The following GYS2 variants were observed in gnomAD, a reference collection of about 807,000 sequenced individuals.
The protein encoded by GYS2 is glycogen [starch] synthase, liver.
A neutral mutation model predicts 85.6 loss-of-function variants in GYS2; 80 were observed. The ratio of observed to expected loss-of-function variants is 0.93; its 90% CI spans 0.78 to 1.13. GYS2 has a LOEUF of 1.13. Ranked by LOEUF, GYS2 falls within the 50% of genes most tolerant of loss-of-function variation. GYS2 has a pLI of 0.00. For missense variants in GYS2, 881 were observed against 854.9 expected, an observed-to-expected ratio of 1.03 and a Z score of -0.38; for synonymous variants, 328 against 300.7, an observed-to-expected ratio of 1.09 and a Z score of -0.94.
chr12:21,574,184 A>C lies in GYS2; in HGVS notation c.638T>G (p.Leu213Arg), dbSNP rs1365531387. The C allele has an allele frequency of 6.2e-7, 1 of 1,613,542 alleles. No individual in the cohort carries two copies. The highest frequency in any genetic ancestry group is 1.1e-5 in the South Asian group (1 of 91,072). The change falls in exon 4 of 16, where the codon CTC becomes CGC. Residue 213 changes from leucine (L) to arginine (R), a missense_variant. Leu to Arg is a moderately radical substitution (Grantham distance 102). Coordinates refer to ENST00000261195, the MANE Select transcript of GYS2 (RefSeq NM_021957.4). ...TTHATLLGRY[L>R]CAANIDFYNH... ...GTAGAAATCAATATTTGCTGCACAGAGATACCTCCCAAGTAGTGTAGCGTG... is the reference window on the plus strand; with the variant it reads ...GTAGAAATCAATATTTGCTGCACAGCGATACCTCCCAAGTAGTGTAGCGTG...
intron 12 of GYS2, 79 bp from the exon 13 acceptor site, chr12:21,542,670 C>A: frequency 2.4e-6 from 2 of 842,386 alleles, no homozygotes; most frequent in East Asian, 2.5e-5. Flanking sequence ...GGAAAAGGCC[C>A]TAGTCCTCCT....
intron 13 of GYS2, among the ~76,000 whole-genome samples, chr12:21,541,249 CAG>C (rs1252830908): frequency 9.6e-6 from 1 of 104,356 alleles, no homozygotes; most frequent in Non-Finnish European, 1.7e-5. Context: ...GCCTGGGCAA[CAG>C]AGTGAGACCA....
chr12:21,568,086 A>C (rs1904120), intron 5 of GYS2, among the ~76,000 whole-genome samples: 2 of 151,590 alleles, frequency 1.3e-5, no homozygotes, highest in Admixed American at 1.3e-4. Flanking sequence ...AAAAAAAAGA[A>C]AAAGGGGTCG....
At chr12:21,594,895 G>C (rs1183303744) in intron 1 of GYS2, among the ~76,000 whole-genome samples, 1 of 152,184 alleles carries the variant, frequency 6.6e-6, no homozygotes, top group Non-Finnish European at 1.5e-5. Context: ...CATTAGAACA[G>C]ACACTTAGAC....
rs751135925 is a variant in GYS2 at position 21,560,398 on chromosome 12, C to T, written c.1157G>A (p.Arg386Gln). 47 of 1,588,706 alleles carry T rather than the reference C, an allele frequency of 3.0e-5. No homozygotes were observed. Among genetic ancestry groups the T allele is most frequent in the East Asian group, 1.6e-4 (7 of 44,722 alleles). The change falls in exon 8 of 16, where the codon CGA becomes CAA. Residue 386 changes from arginine to glutamine, a missense_variant. Transcript: ENST00000261195. ...NVETLKGQAV[R>Q]KQLWDVAHSV... ...GTTGTGAGATTACCACAGCTGTTTT[C>T]GCACTGCTTGTCCTTTCAGGGTTTC... is the stretch of plus-strand genomic sequence containing the variant.
chr12:21,600,160 C>T (rs1395863165), intron 1 of GYS2, among the ~76,000 whole-genome samples: 1 of 152,130 alleles, frequency 6.6e-6, no homozygotes, highest in African/African-American at 2.4e-5. Flanking sequence ...CACTCTGTCA[C>T]CCCGGCTGGA....
At chr12:21,554,147 GGAAGGAA>G (rs1359179260) in intron 11 of GYS2, among the ~76,000 whole-genome samples, 9 of 151,582 alleles carry the variant, frequency 5.9e-5, no homozygotes, top group Admixed American at 5.9e-4. Context: ...AAGCGAGGAA[GGAAGGAA>G]GAAGGAAGGA....
intron 1 of GYS2, among the ~76,000 whole-genome samples, chr12:21,594,631 T>A (rs749373694): frequency 1.3e-5 from 2 of 152,152 alleles, no homozygotes; most frequent in Non-Finnish European, 2.9e-5. Flanking sequence ...CCTATGTTCA[T>A]GGATCAGAAA....
chr12:21,542,569 G>A lies in GYS2; in HGVS notation c.1572C>T (p.Ile524=), dbSNP rs1187054610. 6.2e-7 allele frequency: 1 copy of A among 1,612,538 alleles called. No individual in the cohort carries two copies. The highest frequency in any genetic ancestry group is 1.3e-5 in the African/African-American group (1 of 74,784). ...YTPAECTVMG[I]PSVTTNLSGF... ...CGGAGAGATTCGTGGTCACACTGGG[G>A]ATACCCATCACAGTGCATTCAGCTG... Residue 524 remains isoleucine, a synonymous_variant, in exon 13 of 16, where the codon ATC becomes ATT. Coordinates refer to ENST00000261195, the MANE Select transcript of GYS2 (RefSeq NM_021957.4).
At chr12:21,561,439 A>G (rs1295416248) in intron 7 of GYS2, among the ~76,000 whole-genome samples, 2 of 152,130 alleles carry the variant, frequency 1.3e-5, no homozygotes, top group Non-Finnish European at 2.9e-5. Flanking sequence ...CTGACATTTT[A>G]TTAGGGAAAG....
At chr12:21,585,859 G>A (rs971195790) in intron 1 of GYS2, among the ~76,000 whole-genome samples, 8 of 152,192 alleles carry the variant, frequency 5.3e-5, no homozygotes, top group Non-Finnish European at 8.8e-5. Flanking sequence ...TTATGTAATA[G>A]CATTTGCAAT....
intron 6 of GYS2, 70 bp from the exon 7 acceptor site, chr12:21,563,108 C>A: frequency 1.6e-6 from 2 of 1,277,198 alleles, no homozygotes; most frequent in South Asian, 2.4e-5. Context: ...CACATGAATT[C>A]TGTTAATGTA....
chr12:21,591,575 C>A (rs1944639308), intron 1 of GYS2, among the ~76,000 whole-genome samples: 1 of 152,104 alleles, frequency 6.6e-6, no homozygotes, highest in African/African-American at 2.4e-5. Context: ...ACCTACGTAA[C>A]AACACAATAG....
At chr12:21,547,407 G>A (rs920331594) in intron 11 of GYS2, among the ~76,000 whole-genome samples, 1 of 152,016 alleles carries the variant, frequency 6.6e-6, no homozygotes, top group Admixed American at 6.6e-5. Flanking sequence ...ATAAATTGTG[G>A]TACATCCAGA....
At position 21,542,973 on chromosome 12, in the gene GYS2, CTG is replaced by C. The variant is rs1349630588; in HGVS notation, c.1550-384_1550-383del. Among the ~76,000 whole-genome samples the C allele has an allele frequency of 2.6e-5, 4 of 152,270 alleles. No individual in the cohort carries two copies. The East Asian group carries it at 7.7e-4, about 29-fold the overall frequency. On this transcript the variant is annotated intron_variant, in intron 12 of 15. Transcript: ENST00000261195. ...GTTTTGTTTCTTGCTTCTTTCTAGC[CTG>C]TGTTTCTAAGTACTTGGCAAGTTTA...
chr12:21,547,224 T>C (rs765646474), intron 11 of GYS2, among the ~76,000 whole-genome samples: 2 of 152,228 alleles, frequency 1.3e-5, no homozygotes, highest in Non-Finnish European at 2.9e-5. Flanking sequence ...GACACTGAAG[T>C]ATAAATATAT....
chr12:21,533,343 C>A (rs1041025174), downstream of GYS2, among the ~76,000 whole-genome samples: 2 of 152,162 alleles, frequency 1.3e-5, no homozygotes, highest in African/African-American at 4.8e-5. Context: ...TAGCCTCCAG[C>A]TTGCATTTCT....
At chr12:21,571,616 C>T (rs1362765795) in intron 4 of GYS2, among the ~76,000 whole-genome samples, 1 of 152,070 alleles carries the variant, frequency 6.6e-6, no homozygotes. Flanking sequence ...CCCCATTTTC[C>T]AATCCCAAAC....
At chr12:21,560,159 C>T (rs1944235080) in intron 8 of GYS2, among the ~76,000 whole-genome samples, 3 of 152,252 alleles carry the variant, frequency 2.0e-5, no homozygotes, top group Admixed American at 6.5e-5. Flanking sequence ...TCTACAGGGC[C>T]TTGTTCCTTC....
Sources: gnomAD v4.1 joint callset for allele counts (sites outside exome capture counted in the v4.1 genomes callset) on GRCh38, gnomAD v4.1.1 for gene constraint, MANE v1.5 for transcripts, NCBI Gene and HGNC (gene_info 2026-07-23, HGNC 2026-07-21) for gene names.